The following SCARA5 variants were observed in gnomAD, a reference collection of about 807,000 sequenced individuals.
SCARA5 encodes the protein scavenger receptor class A member 5.
A neutral mutation model predicts 46.3 loss-of-function variants in SCARA5; 45 were observed. The ratio of observed to expected loss-of-function variants is 0.97; its 90% CI spans 0.76 to 1.24. SCARA5 has a LOEUF of 1.24. SCARA5 is among the 50% of genes most tolerant of loss of function. The pLI is 0.00. For missense variants in SCARA5, 680 were observed against 689.0 expected, an observed-to-expected ratio of 0.99 and a Z score of 0.15; for synonymous variants, 333 against 306.5, an observed-to-expected ratio of 1.09 and a Z score of -0.90.
At chr8:27,970,002 C>T (rs1808425443) in intron 2 of SCARA5, among the ~76,000 whole-genome samples, 1 of 152,162 alleles carries the variant, frequency 6.6e-6, no homozygotes, top group Non-Finnish European at 1.5e-5. Flanking sequence ...CCACGTTGTA[C>T]CAGGATTGGC....
rs192697949 is a variant in SCARA5, at chr8:27,930,455, T to G, written c.242-8210A>C. ...TTCATTCTTGTTGCCCAGGCTGGAG[T>G]GCAATGGCGCGATCTCGGCTCACAG... On this transcript the variant is annotated intron_variant, in intron 3 of 8. Transcript: ENST00000354914. Among the ~76,000 whole-genome samples the G allele has an allele frequency of 3.1e-4, 47 of 151,576 alleles. No individual in the cohort carries two copies. The East Asian group carries it at 8.0e-3, about 26-fold the overall frequency.
intron 3 of SCARA5, among the ~76,000 whole-genome samples, chr8:27,930,373 C>T (rs1207881749): frequency 2.6e-5 from 4 of 152,036 alleles, no homozygotes; most frequent in African/African-American, 9.7e-5. Context: ...TGAAGCCTCC[C>T]CAGCCATGTG....
chr8:27,947,355 G>A (rs1808054384), intron 3 of SCARA5, among the ~76,000 whole-genome samples: 1 of 152,154 alleles, frequency 6.6e-6, no homozygotes, highest in East Asian at 1.9e-4. Flanking sequence ...AATCCAAAGG[G>A]CAAGAGATTC....
intron 3 of SCARA5, among the ~76,000 whole-genome samples, chr8:27,944,952 A>G (rs1396782698): frequency 2.0e-5 from 3 of 151,920 alleles, no homozygotes; most frequent in Admixed American, 6.6e-5. Context: ...GATGACTTGA[A>G]CCCAGGAGCT....
chr8:27,969,316 ATT>A (rs1563541657), intron 2 of SCARA5, among the ~76,000 whole-genome samples: 1 of 152,222 alleles, frequency 6.6e-6, no homozygotes, highest in Non-Finnish European at 1.5e-5. Flanking sequence ...GTTAAAAATA[ATT>A]TTTTTAAAAA....
At chr8:27,955,849 G>T (rs776887630) in intron 3 of SCARA5, among the ~76,000 whole-genome samples, 1 of 152,210 alleles carries the variant, frequency 6.6e-6, no homozygotes, top group African/African-American at 2.4e-5. Context: ...AGGGGTGCAG[G>T]TCAGGGTGCT....
At position 27,871,439 on chromosome 8, in the gene SCARA5, A is replaced by G; in HGVS notation, c.*495T>C. ...CAAATGGGGAGCAGAGGCAGAGTAA[A>G]GGGGGGAAATTCATCACTTGACGTT... On this transcript the variant is annotated 3_prime_UTR_variant, in exon 9 of 9. Transcript: ENST00000354914. 1 of 988,588 alleles carries G rather than the reference A, an allele frequency of 1.0e-6. No individual in the cohort carries two copies. Among genetic ancestry groups the G allele is most frequent in the Non-Finnish European group, 1.2e-6 (1 of 831,816 alleles). The allele number at this position is 988,588 out of a possible 1,614,324, so 61.2% of individuals were successfully genotyped here.
At chr8:27,992,006 C>T (rs555329819) in intron 1 of SCARA5, among the ~76,000 whole-genome samples, 2 of 152,316 alleles carry the variant, frequency 1.3e-5, no homozygotes, top group East Asian at 3.9e-4. Context: ...GCCACCAAGG[C>T]AATAGCTTCC....
intron 8 of SCARA5, among the ~76,000 whole-genome samples, chr8:27,876,149 C>T (rs1806720346): frequency 6.6e-6 from 1 of 152,188 alleles, no homozygotes; most frequent in African/African-American, 2.4e-5. Context: ...GATAAGCGTG[C>T]ACAACAGAGC....
chr8:27,892,252 C>T (rs1039714897), intron 7 of SCARA5, among the ~76,000 whole-genome samples: 19 of 152,208 alleles, frequency 1.2e-4, no homozygotes, highest in Non-Finnish European at 1.8e-4. Flanking sequence ...CCTTGGATTC[C>T]GAGTGACCTT....
intron 3 of SCARA5, among the ~76,000 whole-genome samples, chr8:27,939,244 C>A (rs191098589): frequency 6.6e-6 from 1 of 152,314 alleles, no homozygotes; most frequent in African/African-American, 2.4e-5. Context: ...ACACCATGCC[C>A]CTTCTCCCTG....
At chr8:27,955,822 T>C (rs1193825991) in intron 3 of SCARA5, among the ~76,000 whole-genome samples, 4 of 152,194 alleles carry the variant, frequency 2.6e-5, no homozygotes, top group Non-Finnish European at 5.9e-5. Context: ...TTGGCAACTC[T>C]ATGTGTCGAC....
rs575677383 is a variant in SCARA5, at chr8:27,918,178, T to C, written c.916+3393A>G. The stretch of plus-strand genomic sequence containing the variant: ...AAGGGGGTATTTCATGGCATGTAAA[T>C]TACACCTTATTAAACCTGGATCATT... On this transcript the variant is annotated intron_variant, in intron 4 of 8. Transcript: ENST00000354914. 5.3e-5 allele frequency among the ~76,000 whole-genome samples: 8 copies of C among 152,254 alleles called. No individual in the cohort carries two copies. In the South Asian group the frequency reaches 1.7e-3, roughly 32 times the overall value.
rs1047676651 is a variant in SCARA5, at chr8:27,871,286, G to A, written c.*648C>T. 38 of 267,394 alleles carry A rather than the reference G, an allele frequency of 1.4e-4. No individual in the cohort carries two copies. The highest frequency in any genetic ancestry group is 1.1e-3 in the Admixed American group (17 of 15,488). The allele number at this position is 267,394 out of a possible 1,614,324, so 16.6% of individuals were successfully genotyped here. On this transcript the variant is annotated 3_prime_UTR_variant, in exon 9 of 9. Coordinates refer to ENST00000354914, the MANE Select transcript of SCARA5 (RefSeq NM_173833.6). ...TTTGGCACCCAAGATACTATTTAGCGTGCCATGGTAGTCATTCAATGTTAG... is the reference window on the plus strand; with the variant it reads ...TTTGGCACCCAAGATACTATTTAGCATGCCATGGTAGTCATTCAATGTTAG...
intron 2 of SCARA5, 131 bp from the exon 3 acceptor site, chr8:27,966,673 T>C: frequency 1.0e-6 from 1 of 988,200 alleles, no homozygotes; most frequent in Non-Finnish European, 1.5e-6. Flanking sequence ...CCCTTTTGCA[T>C]GTCTAGAATG....
intron 3 of SCARA5, among the ~76,000 whole-genome samples, chr8:27,929,990 C>G (rs992738869): frequency 2.0e-5 from 3 of 152,166 alleles, no homozygotes; most frequent in Non-Finnish European, 2.9e-5. Flanking sequence ...TTCTAGGAAG[C>G]AATGGCAGAG....
At chr8:27,929,633 T>G (rs1482091467) in intron 3 of SCARA5, among the ~76,000 whole-genome samples, 3 of 152,198 alleles carry the variant, frequency 2.0e-5, no homozygotes, top group African/African-American at 7.2e-5. Context: ...GCCTGAAGAA[T>G]GAAATTGGGG....
intron 3 of SCARA5, among the ~76,000 whole-genome samples, chr8:27,928,391 G>A (rs1008815774): frequency 4.6e-5 from 7 of 152,216 alleles, no homozygotes; most frequent in Admixed American, 4.6e-4. Flanking sequence ...TATGTGCCAA[G>A]CACTGTTCTA....
At chr8:27,912,643 G>A (rs1807396743) in intron 4 of SCARA5, among the ~76,000 whole-genome samples, 1 of 152,238 alleles carries the variant, frequency 6.6e-6, no homozygotes, top group Non-Finnish European at 1.5e-5. Context: ...CTGCTGCTGG[G>A]CTGGATGCCC....
Sources: allele counts gnomAD v4.1 joint callset (sites outside exome capture counted in the v4.1 genomes callset), GRCh38; gene constraint gnomAD v4.1.1; transcripts MANE v1.5; gene names NCBI Gene and HGNC (gene_info 2026-07-23, HGNC 2026-07-21).